RSRC1: variants seen among roughly 807,000 people sequenced by gnomAD.
RSRC1 encodes the protein serine/Arginine-related protein 53.
Under a neutral mutation model 49.1 loss-of-function variants are expected in RSRC1, and 39 were observed. The ratio of observed to expected loss-of-function variants is 0.79; its 90% CI spans 0.61 to 1.04. The LOEUF is 1.04. RSRC1 is among the 50% of genes least tolerant of loss of function. RSRC1 has a pLI of 0.00. For missense variants in RSRC1, 388 were observed against 402.4 expected (o/e 0.96, Z 0.31); for synonymous variants, 143 against 130.8 (o/e 1.09, Z -0.63).
intron 3 of RSRC1, among the ~76,000 whole-genome samples, chr3:158,150,484 T>C (rs943527328): frequency 1.3e-5 from 2 of 152,178 alleles, no homozygotes; most frequent in East Asian, 1.9e-4. Flanking sequence ...TATAGTAATA[T>C]TATTTGCTAA....
At chr3:158,501,837 G>C (rs1714517) in intron 7 of RSRC1, among the ~76,000 whole-genome samples, 1 of 152,104 alleles carries the variant, frequency 6.6e-6, no homozygotes, top group Non-Finnish European at 1.5e-5. Flanking sequence ...GAGCATTTAG[G>C]CCATTTACAT....
intron 4 of RSRC1, among the ~76,000 whole-genome samples, chr3:158,279,075 C>T (rs73874356): frequency 0.077 from 11,691 of 152,224 alleles, 543 homozygotes; most frequent in South Asian, 0.13. Flanking sequence ...GGCTCCTTTT[C>T]TATTCTTTTC....
intron 4 of RSRC1, among the ~76,000 whole-genome samples, chr3:158,267,355 CTTTTCAG>C (rs1445658063): frequency 2.0e-5 from 3 of 152,056 alleles, no homozygotes; most frequent in Non-Finnish European, 4.4e-5. Context: ...GAAAAGCTCA[CTTTTCAG>C]TGAGCTTTTT....
rs1713205621 is a variant in RSRC1 at position 158,544,286 on chromosome 3, T to C, written c.*11T>C. The C allele has an allele frequency of 6.6e-7, 1 of 1,516,102 alleles. No homozygotes were observed. The highest frequency in any genetic ancestry group is 1.4e-5 in the African/African-American group (1 of 72,490). The allele number at this position is 1,516,102 out of a possible 1,614,324, so 93.9% of individuals were successfully genotyped here. A position where few individuals can be genotyped will look rare whatever the true frequency, so the allele number is the denominator to read the frequency against. On this transcript the variant is annotated 3_prime_UTR_variant, in exon 10 of 10. Transcript: ENST00000611884. ...AGTCCTGTGGCCTAAGTAATATACA[T>C]ATAGTTGGATTGGATTGTCAGCAGT... is the stretch of plus-strand genomic sequence containing the variant.
chr3:158,376,591 T>C (rs890238625), intron 6 of RSRC1, among the ~76,000 whole-genome samples: 6 of 152,160 alleles, frequency 3.9e-5, no homozygotes, highest in South Asian at 4.1e-4. Context: ...TTCCCAGCAT[T>C]ATGGCTGGAA....
At chr3:158,334,626 A>C (rs993279065) in intron 5 of RSRC1, among the ~76,000 whole-genome samples, 1 of 149,978 alleles carries the variant, frequency 6.7e-6, no homozygotes, top group Non-Finnish European at 1.5e-5. Context: ...GATTATAGGC[A>C]CATGACACCA....
At chr3:158,335,518 G>A (rs1284246196) in intron 5 of RSRC1, among the ~76,000 whole-genome samples, 6 of 152,198 alleles carry the variant, frequency 3.9e-5, no homozygotes, top group Admixed American at 6.5e-5. Context: ...TGGAAGCAGC[G>A]GAGGGTCATT....
intron 5 of RSRC1, among the ~76,000 whole-genome samples, chr3:158,299,997 A>T (rs1727447279): frequency 6.6e-6 from 1 of 152,204 alleles, no homozygotes; most frequent in Non-Finnish European, 1.5e-5. Context: ...TCTGGCTAAA[A>T]ATATTTTAAA....
chr3:158,446,364 A>G (rs375004240), intron 6 of RSRC1, among the ~76,000 whole-genome samples: 1 of 151,698 alleles, frequency 6.6e-6, no homozygotes, highest in Admixed American at 6.6e-5. Context: ...CTTTTTTTGG[A>G]TATATGATTT....
At chr3:158,152,853 T>A (rs1312459959) in intron 3 of RSRC1, among the ~76,000 whole-genome samples, 1 of 152,218 alleles carries the variant, frequency 6.6e-6, no homozygotes, top group African/African-American at 2.4e-5. Flanking sequence ...TTCTGTTGTA[T>A]TTGATTATTG....
At chr3:158,365,561 G>T (rs539457678) in intron 6 of RSRC1, among the ~76,000 whole-genome samples, 4 of 152,136 alleles carry the variant, frequency 2.6e-5, no homozygotes, top group Non-Finnish European at 5.9e-5. Context: ...TGGACATTTG[G>T]GTTGGTTCCA....
At chr3:158,525,476 T>C (rs1711956151) in intron 7 of RSRC1, among the ~76,000 whole-genome samples, 1 of 151,968 alleles carries the variant, frequency 6.6e-6, no homozygotes. Context: ...TATAACCACT[T>C]TGGAAATCAG....
chr3:158,207,662 T>TAGATAGATAGATAGATAGATAGATAGAC lies in RSRC1; in HGVS notation c.494+4420_494+4421insTAGATAGATAGATAGATAGATAGACAGA, dbSNP rs55689613. Among the ~76,000 whole-genome samples, 1,039 of 149,036 alleles carry TAGATAGATAGATAGATAGATAGATAGAC rather than the reference T, an allele frequency of 7.0e-3. 2 individuals are homozygous for TAGATAGATAGATAGATAGATAGATAGAC. Among genetic ancestry groups the TAGATAGATAGATAGATAGATAGATAGAC allele is most frequent in the East Asian group, 0.022 (111 of 4,954 alleles). On this transcript the variant is annotated intron_variant, in intron 4 of 9. Transcript: ENST00000611884. ...TTAGATAGATAGATAGATAGATAGA[T>TAGATAGATAGATAGATAGATAGATAGAC]AGACAGAGAGACAGACAGACAGACA...
At chr3:158,232,358 T>A (rs1161662486) in intron 4 of RSRC1, among the ~76,000 whole-genome samples, 1 of 152,150 alleles carries the variant, frequency 6.6e-6, no homozygotes, top group African/African-American at 2.4e-5. Flanking sequence ...TAGTCCCATA[T>A]TTTTGACAAT....
chr3:158,523,625 T>C (rs1454406727), intron 7 of RSRC1, among the ~76,000 whole-genome samples: 1 of 152,054 alleles, frequency 6.6e-6, no homozygotes, highest in Non-Finnish European at 1.5e-5. Flanking sequence ...CTTTTTTACA[T>C]TATTAACTGA....
chr3:158,131,277 G>C (rs1206959241), intron 3 of RSRC1, among the ~76,000 whole-genome samples: 1 of 151,818 alleles, frequency 6.6e-6, no homozygotes, highest in Non-Finnish European at 1.5e-5. Flanking sequence ...CTGGGAATTT[G>C]TTAGTACCAA....
At chr3:158,406,845 A>G (rs1161080058) in intron 6 of RSRC1, among the ~76,000 whole-genome samples, 3 of 152,090 alleles carry the variant, frequency 2.0e-5, no homozygotes, top group Admixed American at 6.6e-5. Flanking sequence ...CCATTGATCA[A>G]TGATTTCCTT....
chr3:158,229,955 C>CA (rs1377978986), intron 4 of RSRC1, among the ~76,000 whole-genome samples: 1 of 151,928 alleles, frequency 6.6e-6, no homozygotes, highest in Non-Finnish European at 1.5e-5. Flanking sequence ...GTTCATAGTC[C>CA]AGCAGTCCAT....
chr3:158,118,817 ATTATAG>A (rs536059623), intron 1 of RSRC1, among the ~76,000 whole-genome samples: 24 of 152,184 alleles, frequency 1.6e-4, no homozygotes, highest in Non-Finnish European at 3.1e-4. Flanking sequence ...AGTAGGCTTC[ATTATAG>A]GGTGATTGGG....
Sources: gnomAD v4.1 joint callset for allele counts (sites outside exome capture counted in the v4.1 genomes callset) on GRCh38, gnomAD v4.1.1 for gene constraint, MANE v1.5 for transcripts, NCBI Gene and HGNC (gene_info 2026-07-23, HGNC 2026-07-21) for gene names.